Variants in PM20D2 observed in about 807,000 individuals in gnomAD.
PM20D2 encodes xaa-Arg dipeptidase.
In PM20D2, 33 loss-of-function variants were observed where a neutral mutation model predicts 42.9. The ratio of observed to expected loss-of-function variants is 0.77; its 90% CI spans 0.58 to 1.03. The LOEUF is 1.03. Ranked by LOEUF, PM20D2 falls within the 50% of genes least tolerant of loss-of-function variation. The pLI, the probability that PM20D2 is intolerant of heterozygous loss-of-function variation, is 0.00. For synonymous variants in PM20D2, 250 were observed against 228.2 expected (o/e 1.10, Z -0.86); for missense variants, 548 against 557.0 (o/e 0.98, Z 0.16).
At chr6:89,103,095 T>G in the PM20D2 span, among the ~76,000 whole-genome samples, 9,834 of 152,088 alleles carry the variant, frequency 0.065, 936 homozygotes, top group African/African-American at 0.21. Flanking sequence ...GAAAAACTGG[T>G]GTCAGGGAGG....
the PM20D2 span, among the ~76,000 whole-genome samples, chr6:89,130,998 T>C: frequency 0.17 from 25,945 of 151,688 alleles, 3,000 homozygotes; most frequent in Non-Finnish European, 0.25. Flanking sequence ...CCACTATGCC[T>C]GGCCTATTTC....
the PM20D2 span, among the ~76,000 whole-genome samples, chr6:89,102,417 C>T: frequency 6.6e-6 from 1 of 152,126 alleles, no homozygotes; most frequent in Non-Finnish European, 1.5e-5. Flanking sequence ...AGGCATGAGC[C>T]ACTGCACCTG....
the PM20D2 span, among the ~76,000 whole-genome samples, chr6:89,109,125 A>C: frequency 4.6e-5 from 7 of 152,340 alleles, no homozygotes; most frequent in African/African-American, 1.4e-4. Context: ...GACTGGCATA[A>C]AGATTCTCAA....
At chr6:89,139,154 A>G in the PM20D2 span, among the ~76,000 whole-genome samples, 5 of 152,054 alleles carry the variant, frequency 3.3e-5, no homozygotes, top group African/African-American at 7.2e-5. Context: ...CAGTGGCACA[A>G]TCATTGCTTA....
chr6:89,161,942 G>A, intron 6 of PM20D2, 52 bp downstream of exon 6: 1 of 1,516,588 alleles, frequency 6.6e-7, no homozygotes, highest in Non-Finnish European at 9.1e-7. Flanking sequence ...TCTTCTGGTA[G>A]TAGCTGCCTT....
the PM20D2 span, among the ~76,000 whole-genome samples, chr6:89,129,567 C>T: frequency 2.0e-5 from 3 of 151,018 alleles, no homozygotes; most frequent in Admixed American, 6.6e-5. Flanking sequence ...GACCAAGACA[C>T]CCCTCTTCTC....
chr6:89,122,165 A>G, the PM20D2 span, among the ~76,000 whole-genome samples: 1 of 152,208 alleles, frequency 6.6e-6, no homozygotes, highest in African/African-American at 2.4e-5. Flanking sequence ...TTTAGAATCT[A>G]AACACTTAGG....
At chr6:89,161,389 A>G (rs1053927142) in intron 5 of PM20D2, among the ~76,000 whole-genome samples, 7 of 152,194 alleles carry the variant, frequency 4.6e-5, no homozygotes, top group African/African-American at 1.7e-4. Context: ...TCCCGTAACT[A>G]TTATTTCATC....
intron 5 of PM20D2, among the ~76,000 whole-genome samples, 198 bp from the exon 6 acceptor site, chr6:89,161,585 C>T (rs1435117600): frequency 6.6e-6 from 1 of 152,108 alleles, no homozygotes. Context: ...CAGTGACCTT[C>T]ATGAGAGATG....
chr6:89,106,068 T>C, the PM20D2 span: 4 of 152,214 alleles, frequency 2.6e-5, no homozygotes, highest in African/African-American at 7.2e-5. Context: ...CAAAACCGGA[T>C]TTAGTGCTTT....
chr6:89,134,105 C>T, the PM20D2 span, among the ~76,000 whole-genome samples: 1 of 151,120 alleles, frequency 6.6e-6, no homozygotes, highest in Non-Finnish European at 1.5e-5. Flanking sequence ...GTTGCAGCCT[C>T]GGCCCTGACT....
chr6:89,098,272 G>A, the PM20D2 span: 1 of 246,678 alleles, frequency 4.1e-6, no homozygotes, highest in Non-Finnish European at 7.9e-6. Flanking sequence ...CTAATACTAT[G>A]CAAGTAGAAT....
chr6:89,104,628 G>A, the PM20D2 span, among the ~76,000 whole-genome samples: 1 of 151,882 alleles, frequency 6.6e-6, no homozygotes, highest in Non-Finnish European at 1.5e-5. Flanking sequence ...TTTAACAGAA[G>A]AATTAATCCC....
the PM20D2 span, among the ~76,000 whole-genome samples, chr6:89,104,758 A>G: frequency 1.3e-5 from 2 of 152,028 alleles, no homozygotes; most frequent in Non-Finnish European, 2.9e-5. Context: ...TAAAAACTTT[A>G]AAATATTTTC....
chr6:89,148,970 A>T (rs893198166), intron 1 of PM20D2, among the ~76,000 whole-genome samples: 1 of 152,224 alleles, frequency 6.6e-6, no homozygotes, highest in South Asian at 2.1e-4. Context: ...ATTTTGAGGG[A>T]CTAAACTTGT....
At chr6:89,119,590 A>C in the PM20D2 span, among the ~76,000 whole-genome samples, 3 of 152,228 alleles carry the variant, frequency 2.0e-5, no homozygotes, top group Non-Finnish European at 4.4e-5. Flanking sequence ...AGCACCACAG[A>C]TTTGGTGGCC....
At position 89,146,166 on chromosome 6, in the gene PM20D2, C is replaced by A. The variant is rs1770532982; in HGVS notation, c.22C>A (p.Pro8Thr). The A allele has an allele frequency of 3.3e-6, 5 of 1,515,880 alleles. No individual in the cohort carries two copies. Among genetic ancestry groups the A allele is most frequent in the Non-Finnish European group, 4.4e-6 (5 of 1,139,184 alleles). 93.9% of individuals were successfully genotyped at this position (1,515,880 alleles called of 1,614,324 possible). The part of the protein sequence containing the change: MRPGGER[P>T]VEGGACNGRS... ...CAGCATGAGGCCCGGAGGGGAGCGGCCCGTGGAAGGGGGCGCGTGCAATGG... is the reference window on the plus strand; with the variant it reads ...CAGCATGAGGCCCGGAGGGGAGCGGACCGTGGAAGGGGGCGCGTGCAATGG... The change falls in exon 1 of 7, where the codon CCC becomes ACC. Residue 8 changes from proline (P) to threonine (T), a missense_variant. Pro to Thr is a conservative substitution (Grantham distance 38). Transcript: ENST00000275072.
chr6:89,116,611 CT>C, the PM20D2 span, among the ~76,000 whole-genome samples: 1 of 151,940 alleles, frequency 6.6e-6, no homozygotes, highest in Non-Finnish European at 1.5e-5. Flanking sequence ...CTCATCTCTA[CT>C]AAAAATATAA....
At chr6:89,115,502 G>C in the PM20D2 span, among the ~76,000 whole-genome samples, 9,557 of 151,430 alleles carry the variant, frequency 0.063, 872 homozygotes, top group African/African-American at 0.2. Context: ...GGTTGGTCTC[G>C]AACCCCTCAC....
Sources: allele counts gnomAD v4.1 joint callset (sites outside exome capture counted in the v4.1 genomes callset), GRCh38; gene constraint gnomAD v4.1.1; transcripts MANE v1.5; gene names NCBI Gene and HGNC (gene_info 2026-07-23, HGNC 2026-07-21).